Variants in UNC5D observed in about 807,000 individuals in gnomAD.
The protein encoded by UNC5D is netrin receptor UNC5D.
A neutral mutation model predicts 105.4 loss-of-function variants in UNC5D; 39 were observed. The ratio of observed to expected loss-of-function variants is 0.37; its 90% CI spans 0.29 to 0.48. The LOEUF (loss-of-function observed/expected upper bound fraction) is 0.48, where lower values mean the gene tolerates loss of function less well. Among genes scored for constraint, UNC5D ranks in the 20% least tolerant of loss-of-function variants. The pLI, the probability that UNC5D is intolerant of heterozygous loss-of-function variation, is 0.98. For missense variants in UNC5D, 991 were observed against 1,202.4 expected, an observed-to-expected ratio of 0.82 and a Z score of 2.60; for synonymous variants, 452 against 450.4, an observed-to-expected ratio of 1.00 and a Z score of -0.04.
intron 1 of UNC5D, among the ~76,000 whole-genome samples, chr8:35,268,412 T>C (rs1805042035): frequency 6.6e-6 from 1 of 152,122 alleles, no homozygotes; most frequent in South Asian, 2.1e-4. Flanking sequence ...CTAAAAGCCA[T>C]TACAACCTAG....
intron 3 of UNC5D, among the ~76,000 whole-genome samples, chr8:35,572,905 G>C (rs896029786): frequency 1.3e-5 from 2 of 150,580 alleles, no homozygotes; most frequent in African/African-American, 2.4e-5. Flanking sequence ...CAGGGTTCAC[G>C]CCATTCTCCT....
In UNC5D at chr8:35,759,588, A is replaced by G. The variant is rs983032228; in HGVS notation, c.2313+119A>G. 6 of 1,152,094 alleles carry G rather than the reference A, an allele frequency of 5.2e-6. 1 individual carries two copies. Among genetic ancestry groups the G allele is most frequent in the South Asian group, 4.5e-5 (3 of 66,778 alleles). The allele number at this position is 1,152,094 out of a possible 1,614,324, so 71.4% of individuals were successfully genotyped here. ...CCTTTAAAGGATGGATTTCACCTCAAAACTGTCACAGAAATGTAACAGTTT... is the reference window on the plus strand; with the variant it reads ...CCTTTAAAGGATGGATTTCACCTCAGAACTGTCACAGAAATGTAACAGTTT... On this transcript the variant is annotated intron_variant, in intron 14 of 16. Coordinates refer to ENST00000404895, the MANE Select transcript of UNC5D (RefSeq NM_080872.4).
At chr8:35,633,276 G>A (rs1454968170) in intron 4 of UNC5D, among the ~76,000 whole-genome samples, 3 of 152,158 alleles carry the variant, frequency 2.0e-5, no homozygotes, top group Admixed American at 1.3e-4. Context: ...TTCACTTGCT[G>A]CCAGGTTACA....
chr8:35,328,541 G>A (rs2980379), intron 1 of UNC5D, among the ~76,000 whole-genome samples: 124,741 of 152,088 alleles, frequency 0.82, 51,595 homozygotes, highest in East Asian at 1. Flanking sequence ...TCTTCTAACT[G>A]TAATAATTAT....
chr8:35,728,095 A>AAAT lies in UNC5D; in HGVS notation c.1681+1567_1681+1568insATA, dbSNP rs34672872. ...CTAAAAAAAAAAAAAAAAAAAAAAA[A>AAAT]ATATATATATATATATGCCATAAAA... On this transcript the variant is annotated intron_variant, in intron 10 of 16. Transcript: ENST00000404895. Among the ~76,000 whole-genome samples, 165 of 110,260 alleles carry AAAT rather than the reference A, an allele frequency of 1.5e-3. 1 individual carries two copies. The highest frequency in any genetic ancestry group is 8.5e-3 in the East Asian group (31 of 3,668). The allele number at this position is 110,260 out of a possible 152,430, so 72.3% of individuals were successfully genotyped here.
chr8:35,522,869 C>T (rs1029201318), intron 1 of UNC5D, among the ~76,000 whole-genome samples: 1 of 152,042 alleles, frequency 6.6e-6, no homozygotes, highest in Non-Finnish European at 1.5e-5. Flanking sequence ...TTTTCTTAAG[C>T]ACTGTTTTCC....
chr8:35,635,820 G>C (rs1343955382), intron 4 of UNC5D, among the ~76,000 whole-genome samples: 7 of 152,202 alleles, frequency 4.6e-5, no homozygotes, highest in Admixed American at 4.6e-4. Flanking sequence ...AGAGTTACGT[G>C]TGTAGATTTT....
intron 1 of UNC5D, among the ~76,000 whole-genome samples, chr8:35,320,609 T>C (rs557556659): frequency 2.6e-5 from 4 of 152,270 alleles, no homozygotes; most frequent in Admixed American, 6.5e-5. Flanking sequence ...CCTGCTGTTA[T>C]GTGATGCTGT....
At position 35,790,424 on chromosome 8, in the gene UNC5D, G is replaced by A. The variant is rs751336124; in HGVS notation, c.2723G>A (p.Arg908His). The A allele has an allele frequency of 6.2e-7, 1 of 1,613,892 alleles. No individual in the cohort carries two copies. Among genetic ancestry groups the A allele is most frequent in the South Asian group, 1.1e-5 (1 of 91,080 alleles). Residue 908 changes from arginine (R) to histidine (H), a missense_variant, in exon 17 of 17, where the codon CGT becomes CAT. Coordinates refer to ENST00000404895, the MANE Select transcript of UNC5D (RefSeq NM_080872.4). ...SAVILNLWEA[R>H]HQHDGDLDSL... ...GTCATTTTGAACCTGTGGGAAGCTC[G>A]TCATCAGCATGATGGTGATCTTGAC... is the stretch of plus-strand genomic sequence containing the variant.
chr8:35,638,629 A>AT (rs1409274253), intron 4 of UNC5D, among the ~76,000 whole-genome samples: 2 of 151,856 alleles, frequency 1.3e-5, no homozygotes, highest in African/African-American at 4.8e-5. Flanking sequence ...CCTCATCTCT[A>AT]TAAAAAAAAA....
intron 2 of UNC5D, among the ~76,000 whole-genome samples, chr8:35,553,646 A>G (rs59941258): frequency 0.047 from 7,124 of 152,230 alleles, 489 homozygotes; most frequent in African/African-American, 0.15. Context: ...TATGTTTCCT[A>G]AGCTCTGTAT....
intron 1 of UNC5D, among the ~76,000 whole-genome samples, chr8:35,400,128 G>A (rs779254151): frequency 9.9e-5 from 15 of 152,100 alleles, no homozygotes; most frequent in Non-Finnish European, 1.8e-4. Flanking sequence ...GACATTATTA[G>A]GTAGTTGCAC....
At chr8:35,610,292 A>G (rs1820586602) in intron 4 of UNC5D, among the ~76,000 whole-genome samples, 1 of 152,100 alleles carries the variant, frequency 6.6e-6, no homozygotes, top group African/African-American at 2.4e-5. Flanking sequence ...TCATTGGACC[A>G]AGCCTTCTTG....
chr8:35,464,357 A>T (rs994313183), intron 1 of UNC5D, among the ~76,000 whole-genome samples: 1 of 152,018 alleles, frequency 6.6e-6, no homozygotes. Context: ...AAAAAAGAAA[A>T]CAGTTGACTA....
chr8:35,648,947 A>T (rs1175388595), intron 4 of UNC5D, among the ~76,000 whole-genome samples: 1 of 152,162 alleles, frequency 6.6e-6, no homozygotes, highest in Non-Finnish European at 1.5e-5. Flanking sequence ...GGCATCCTTA[A>T]AAAGTACAAG....
intron 4 of UNC5D, among the ~76,000 whole-genome samples, chr8:35,670,231 C>A (rs547704000): frequency 3.9e-5 from 6 of 152,210 alleles, no homozygotes; most frequent in African/African-American, 1.2e-4. Flanking sequence ...GCTTGAAAAT[C>A]CTTAATGACC....
At chr8:35,689,216 A>G (rs1315454571) in intron 7 of UNC5D, among the ~76,000 whole-genome samples, 1 of 152,256 alleles carries the variant, frequency 6.6e-6, no homozygotes, top group African/African-American at 2.4e-5. Context: ...TACTGATTGG[A>G]GACAGATAAT....
intron 1 of UNC5D, among the ~76,000 whole-genome samples, chr8:35,454,669 T>C (rs1479866508): frequency 6.6e-6 from 1 of 152,164 alleles, no homozygotes; most frequent in Non-Finnish European, 1.5e-5. Context: ...TTTAATTCCT[T>C]CCCCACAATT....
At chr8:35,497,143 G>T (rs1217974227) in intron 1 of UNC5D, among the ~76,000 whole-genome samples, 1 of 152,166 alleles carries the variant, frequency 6.6e-6, no homozygotes, top group East Asian at 1.9e-4. Context: ...TGGAGAAATA[G>T]AATTGGACAA....
Sources: allele counts gnomAD v4.1 joint callset (sites outside exome capture counted in the v4.1 genomes callset), GRCh38; gene constraint gnomAD v4.1.1; transcripts MANE v1.5; gene names NCBI Gene and HGNC (gene_info 2026-07-23, HGNC 2026-07-21).